Variants in C6orf163 observed in about 807,000 individuals in gnomAD.
The protein encoded by C6orf163 is uncharacterized protein C6orf163.
C6orf163 carries 22 observed loss-of-function variants against 28.4 expected under a neutral mutation model. The observed-to-expected ratio is 0.78, with a 90% CI of 0.55 to 1.11. The LOEUF is 1.11. Ranked by LOEUF, C6orf163 falls within the 50% of genes least tolerant of loss-of-function variation. The pLI, the probability that C6orf163 is intolerant of heterozygous loss-of-function variation, is 0.00. For missense variants in C6orf163, 342 were observed against 389.1 expected, an observed-to-expected ratio of 0.88 and a Z score of 1.02; for synonymous variants, 110 against 123.6, an observed-to-expected ratio of 0.89 and a Z score of 0.73.
intron 4 of C6orf163, among the ~76,000 whole-genome samples, chr6:87,363,390 C>T (rs887742469): frequency 6.6e-6 from 1 of 151,156 alleles, no homozygotes; most frequent in Non-Finnish European, 1.5e-5. Context: ...TACATGTGCA[C>T]AATGTGCAGG....
At position 87,344,924 on chromosome 6, in the gene C6orf163, G is replaced by A; in HGVS notation, c.-176G>A. 1.9e-6 allele frequency: 1 copy of A among 526,792 alleles called. No individual in the cohort carries two copies. The highest frequency in any genetic ancestry group is 3.3e-6 in the Non-Finnish European group (1 of 303,760). The allele number at this position is 526,792 out of a possible 1,614,324, so 32.6% of individuals were successfully genotyped here. A position where few individuals can be genotyped will look rare whatever the true frequency, so the allele number is the denominator to read the frequency against. ...CTTTTAGCACCATTCTTTAACGTTA[G>A]ACACATAACCACAGCCTAATCACTT... On this transcript the variant is annotated 5_prime_UTR_variant, in exon 1 of 5. Coordinates refer to ENST00000388923, the MANE Select transcript of C6orf163 (RefSeq NM_001010868.3).
At chr6:87,346,399 AC>A (rs1270883266) in intron 1 of C6orf163, among the ~76,000 whole-genome samples, 1 of 152,228 alleles carries the variant, frequency 6.6e-6, no homozygotes, top group Non-Finnish European at 1.5e-5. Flanking sequence ...CTCTAAAGTG[AC>A]TTTTCATACC....
chr6:87,365,010 G>C lies in C6orf163; in HGVS notation c.604G>C (p.Glu202Gln). The change falls in exon 5 of 5, where the codon GAG (glutamate) becomes CAG (glutamine). Residue 202 changes from glutamate to glutamine, a missense_variant. Coordinates refer to ENST00000388923, the MANE Select transcript of C6orf163 (RefSeq NM_001010868.3). ...VNTGVTVIKD[E>Q]KTSVARLMRE... ...TACTGGTGTCACAGTTATTAAGGAT[G>C]AGAAGACCAGTGTGGCCCGACTGAT... 1 of 1,551,666 alleles carries C rather than the reference G, an allele frequency of 6.4e-7. No homozygotes were observed. Among genetic ancestry groups the C allele is most frequent in the Non-Finnish European group, 8.7e-7 (1 of 1,146,952 alleles).
chr6:87,356,718 A>G (rs1777508046), intron 4 of C6orf163: 1 of 511,956 alleles, frequency 2.0e-6, no homozygotes, highest in Admixed American at 3.4e-5. Context: ...AAAACCTACC[A>G]CCCAGCTTAA....
At chr6:87,357,474 A>T (rs1427671918) in intron 4 of C6orf163, 1 of 152,164 alleles carries the variant, frequency 6.6e-6, no homozygotes, top group Non-Finnish European at 1.5e-5. Context: ...AATCTTTTTC[A>T]TTAGAACTCT....
chr6:87,353,210 G>A (rs573262267), intron 3 of C6orf163, among the ~76,000 whole-genome samples: 4 of 152,100 alleles, frequency 2.6e-5, no homozygotes, highest in Admixed American at 2.6e-4. Flanking sequence ...CTAATTATCT[G>A]AATACCTACT....
In C6orf163 at chr6:87,348,754, A is replaced by G; in HGVS notation, c.149-58A>G. 3 of 1,526,016 alleles carry G rather than the reference A, an allele frequency of 2.0e-6. No homozygotes were observed. In the South Asian group the frequency reaches 3.7e-5, roughly 19 times the overall value. 94.5% of individuals were successfully genotyped at this position (1,526,016 alleles called of 1,614,324 possible). A position where few individuals can be genotyped will look rare whatever the true frequency, so the allele number is the denominator to read the frequency against. On this transcript the variant is annotated intron_variant, in intron 1 of 4. Transcript: ENST00000388923. ...TCATAAATAACTAGATAATGGTGGA[A>G]AGGAAAGCCAGGAAGCAGTCGGTGG... is the stretch of plus-strand genomic sequence containing the variant.
At chr6:87,357,490 A>AC (rs1777522547) in intron 4 of C6orf163, 1 of 152,204 alleles carries the variant, frequency 6.6e-6, no homozygotes, top group South Asian at 2.1e-4. Flanking sequence ...ACTCTTTAGA[A>AC]CAGGGACACA....
Position 87,365,027 on chromosome 6 carries a change from C to T in C6orf163, c.621C>T (p.Ala207=), listed in dbSNP as rs895541018. The change falls in exon 5 of 5, where the codon GCC becomes GCT. Residue 207 remains alanine, a synonymous_variant. Transcript: ENST00000388923. ...TVIKDEKTSV[A]RLMREKEHEM... is the part of the protein sequence containing the mutation. ...TTAAGGATGAGAAGACCAGTGTGGCCCGACTGATGAGGGAAAAAGAACATG... is the reference window on the plus strand; with the variant it reads ...TTAAGGATGAGAAGACCAGTGTGGCTCGACTGATGAGGGAAAAAGAACATG... 1.3e-6 allele frequency: 2 copies of T among 1,551,402 alleles called. No individual in the cohort carries two copies. Among genetic ancestry groups the T allele is most frequent in the African/African-American group, 2.7e-5 (2 of 72,976 alleles).
intron 3 of C6orf163, among the ~76,000 whole-genome samples, chr6:87,351,147 C>T (rs1777405772): frequency 6.6e-6 from 1 of 152,042 alleles, no homozygotes; most frequent in Non-Finnish European, 1.5e-5. Flanking sequence ...AGGTGGAGAC[C>T]CTAGGATTCA....
At chr6:87,348,556 TC>T in intron 1 of C6orf163, 1 of 1,203,768 alleles carries the variant, frequency 8.3e-7, no homozygotes, top group South Asian at 2.6e-5. Flanking sequence ...TTATTTCACC[TC>T]CCCAGTTGTC....
intron 4 of C6orf163, among the ~76,000 whole-genome samples, chr6:87,363,394 G>A (rs897907782): frequency 9.3e-5 from 14 of 150,422 alleles, no homozygotes; most frequent in African/African-American, 3.4e-4. Flanking sequence ...TGTGCACAAT[G>A]TGCAGGTTTG....
intron 3 of C6orf163, among the ~76,000 whole-genome samples, chr6:87,352,229 A>T (rs1221194474): frequency 1.3e-5 from 2 of 152,176 alleles, no homozygotes. Flanking sequence ...TATCTGTAGG[A>T]TACCAAGATA....
At chr6:87,345,330 C>G (rs1777306481) in intron 1 of C6orf163, 83 bp downstream of exon 1, 1 of 1,331,136 alleles carries the variant, frequency 7.5e-7, no homozygotes, top group Non-Finnish European at 9.8e-7. Context: ...CTTTTATCAG[C>G]TTTTTTCTCT....
Position 87,345,139 on chromosome 6 carries a change from G to C in C6orf163, c.40G>C (p.Ala14Pro). The change falls in exon 1 of 5, where the codon GCT (alanine) becomes CCT (proline). Residue 14 changes from alanine to proline, a missense_variant. Transcript: ENST00000388923. Reference sequence around the variant, plus strand: ...AGATTACAAAAACTTTGTTTGCTGTGCTGTTTGTAATAAAATAATTCCACC... The same window carrying C: ...AGATTACAAAAACTTTGTTTGCTGTCCTGTTTGTAATAAAATAATTCCACC... ...NSDYKNFVCC[A>P]VCNKIIPPAP... 1 of 1,535,566 alleles carries C rather than the reference G, an allele frequency of 6.5e-7. No homozygotes were observed. The highest frequency in any genetic ancestry group is 1.2e-5 in the South Asian group (1 of 83,582).
intron 4 of C6orf163, among the ~76,000 whole-genome samples, chr6:87,364,419 C>T (rs1777618326): frequency 6.6e-6 from 1 of 152,010 alleles, no homozygotes; most frequent in Admixed American, 6.6e-5. Flanking sequence ...ATGCCTATAA[C>T]TCATATAAAC....
intron 2 of C6orf163, among the ~76,000 whole-genome samples, chr6:87,349,460 C>G (rs903054191): frequency 6.6e-6 from 1 of 152,086 alleles, no homozygotes; most frequent in Non-Finnish European, 1.5e-5. Flanking sequence ...ACTATAAGGG[C>G]AATTTGAATA....
At chr6:87,352,157 TA>T (rs1439530339) in intron 3 of C6orf163, among the ~76,000 whole-genome samples, 1 of 152,224 alleles carries the variant, frequency 6.6e-6, no homozygotes, top group Non-Finnish European at 1.5e-5. Context: ...CCATTTCAGA[TA>T]TTTTTTACTT....
At chr6:87,363,483 C>A (rs968699256) in intron 4 of C6orf163, among the ~76,000 whole-genome samples, 1 of 151,906 alleles carries the variant, frequency 6.6e-6, no homozygotes, top group Non-Finnish European at 1.5e-5. Context: ...TCTCCTAAAG[C>A]TATCCCTCCC....
Sources: gnomAD v4.1 joint callset for allele counts (sites outside exome capture counted in the v4.1 genomes callset) on GRCh38, gnomAD v4.1.1 for gene constraint, MANE v1.5 for transcripts, NCBI Gene and HGNC (gene_info 2026-07-23, HGNC 2026-07-21) for gene names.